Variants in CTNNA3 observed in about 807,000 individuals in gnomAD.
CTNNA3 encodes the protein catenin alpha 3, also known as catenin alpha-3.
CTNNA3 carries 76 observed loss-of-function variants against 95.7 expected under a neutral mutation model. That is an observed-to-expected ratio of 0.79 (90% CI 0.66 to 0.96). The LOEUF is 0.96. CTNNA3 is among the 40% of genes least tolerant of loss of function. CTNNA3 has a pLI of 0.00. For missense variants in CTNNA3, 1,191 were observed against 1,089.8 expected (o/e 1.09, Z -1.31); for synonymous variants, 431 against 374.4 (o/e 1.15, Z -1.74).
intron 1 of CTNNA3, among the ~76,000 whole-genome samples, chr10:67,724,334 T>C (rs1213304099): frequency 6.6e-6 from 1 of 152,188 alleles, no homozygotes; most frequent in African/African-American, 2.4e-5. Context: ...TGATAATCCC[T>C]GGTATATGGT....
At chr10:66,193,533 A>G (rs1414330351) in intron 13 of CTNNA3, among the ~76,000 whole-genome samples, 1 of 152,202 alleles carries the variant, frequency 6.6e-6, no homozygotes, top group East Asian at 1.9e-4. Flanking sequence ...CTCAGACCCA[A>G]TGCTGAACTA....
chr10:66,686,660 G>A (rs539399878), intron 9 of CTNNA3, among the ~76,000 whole-genome samples: 33 of 152,258 alleles, frequency 2.2e-4, no homozygotes, highest in Middle Eastern at 3.4e-3. Flanking sequence ...TGAATGACAT[G>A]TCTTCTCCTG....
At chr10:66,128,721 T>G (rs549087569) in intron 13 of CTNNA3, among the ~76,000 whole-genome samples, 18 of 152,282 alleles carry the variant, frequency 1.2e-4, no homozygotes, top group African/African-American at 3.8e-4. Flanking sequence ...TGGTGTTTAA[T>G]GTCCAAACTC....
chr10:67,316,962 G>A (rs556751862), intron 5 of CTNNA3, among the ~76,000 whole-genome samples: 4 of 152,068 alleles, frequency 2.6e-5, no homozygotes, highest in South Asian at 2.1e-4. Context: ...ATTCCTTTCC[G>A]TAGCTGTCAC....
chr10:66,820,691 G>C lies in CTNNA3; in HGVS notation c.1048-45167C>G, dbSNP rs116242899. On this transcript the variant is annotated intron_variant, in intron 7 of 17. Coordinates refer to ENST00000433211, the MANE Select transcript of CTNNA3 (RefSeq NM_013266.4). ...CATGTTAGTTGTATATTGGTGACGG[G>C]ATCATGAGTGGTTTCTACTTTCTAT... Among the ~76,000 whole-genome samples the C allele has an allele frequency of 3.1e-3, 473 of 151,128 alleles. 1 individual carries two copies. The highest frequency in any genetic ancestry group is 0.011 in the African/African-American group (441 of 41,234).
intron 3 of CTNNA3, among the ~76,000 whole-genome samples, chr10:67,563,103 T>C (rs2133264861): frequency 6.6e-6 from 1 of 152,220 alleles, no homozygotes; most frequent in South Asian, 2.1e-4. Context: ...CCCATCAAGC[T>C]ACCAATGACT....
At chr10:66,774,248 AAATCCTG>A (rs1476814533) in intron 8 of CTNNA3, among the ~76,000 whole-genome samples, 4 of 152,150 alleles carry the variant, frequency 2.6e-5, no homozygotes, top group Non-Finnish European at 5.9e-5. Context: ...GATGGGGTAG[AAATCCTG>A]AAGACGATGG....
At chr10:67,715,247 A>G (rs1331035553) in intron 1 of CTNNA3, among the ~76,000 whole-genome samples, 1 of 152,248 alleles carries the variant, frequency 6.6e-6, no homozygotes, top group Non-Finnish European at 1.5e-5. Flanking sequence ...AATAAATGGT[A>G]GCTATTTTTA....
chr10:66,323,588 G>T (rs181693238), intron 12 of CTNNA3, among the ~76,000 whole-genome samples: 2,216 of 150,532 alleles, frequency 0.015, 42 homozygotes, highest in Non-Finnish European at 0.023. Context: ...GGAGGCGGAG[G>T]TTGCAGTGAG....
intron 7 of CTNNA3, among the ~76,000 whole-genome samples, chr10:67,061,006 A>C (rs1405597524): frequency 6.6e-6 from 1 of 152,190 alleles, no homozygotes; most frequent in Non-Finnish European, 1.5e-5. Flanking sequence ...TCAAAGAGTC[A>C]TGGGAACCTT....
intron 11 of CTNNA3, among the ~76,000 whole-genome samples, chr10:66,385,727 A>C (rs2092884770): frequency 6.6e-6 from 1 of 152,234 alleles, no homozygotes; most frequent in African/African-American, 2.4e-5. Flanking sequence ...GCAGCACATC[A>C]AAAAGCTCAT....
intron 10 of CTNNA3, among the ~76,000 whole-genome samples, chr10:66,575,746 A>G (rs1470994177): frequency 6.6e-6 from 1 of 152,110 alleles, no homozygotes; most frequent in African/African-American, 2.4e-5. Flanking sequence ...AGCTGTTTTC[A>G]ATGAGGATAT....
chr10:66,113,890 T>C (rs896338081), intron 13 of CTNNA3, among the ~76,000 whole-genome samples: 25 of 152,094 alleles, frequency 1.6e-4, no homozygotes, highest in Non-Finnish European at 2.8e-4. Context: ...GCTGATGCCA[T>C]TGACAATTGT....
At chr10:66,670,132 G>A (rs1468092364) in intron 9 of CTNNA3, among the ~76,000 whole-genome samples, 1 of 152,120 alleles carries the variant, frequency 6.6e-6, no homozygotes, top group East Asian at 1.9e-4. Flanking sequence ...TATTATGAGA[G>A]TAATATGTCC....
intron 11 of CTNNA3, among the ~76,000 whole-genome samples, chr10:66,404,603 T>C (rs1420908617): frequency 6.6e-6 from 1 of 152,174 alleles, no homozygotes. Flanking sequence ...TAACAACACT[T>C]TGCCTAATGT....
chr10:66,217,955 G>A (rs934332464), intron 13 of CTNNA3, among the ~76,000 whole-genome samples: 20 of 151,918 alleles, frequency 1.3e-4, no homozygotes, highest in East Asian at 9.7e-4. Context: ...GCCCACCTGC[G>A]CACTAGGGGA....
intron 2 of CTNNA3, among the ~76,000 whole-genome samples, chr10:67,632,662 G>C (rs553317341): frequency 2.0e-5 from 3 of 152,078 alleles, no homozygotes; most frequent in Non-Finnish European, 4.4e-5. Context: ...CTTTTCCCAC[G>C]GATCTTTGTA....
chr10:67,421,559 A>G (rs1845750801), intron 5 of CTNNA3, among the ~76,000 whole-genome samples: 1 of 152,148 alleles, frequency 6.6e-6, no homozygotes, highest in Non-Finnish European at 1.5e-5. Context: ...ACCTCTCTAC[A>G]CATCATGGGC....
At chr10:67,029,834 G>A (rs958590271) in intron 7 of CTNNA3, among the ~76,000 whole-genome samples, 6 of 152,110 alleles carry the variant, frequency 3.9e-5, no homozygotes, top group African/African-American at 9.7e-5. Context: ...TTAAAAGCAC[G>A]GTTCCTCAAT....
Sources: gnomAD v4.1 joint callset for allele counts (sites outside exome capture counted in the v4.1 genomes callset) on GRCh38, gnomAD v4.1.1 for gene constraint, MANE v1.5 for transcripts, NCBI Gene and HGNC (gene_info 2026-07-23, HGNC 2026-07-21) for gene names.